Variants in RUNX1 observed in about 807,000 individuals in gnomAD.
RUNX1 encodes the protein runt-related transcription factor 1.
Under a neutral mutation model 42.8 loss-of-function variants are expected in RUNX1, and 19 were observed. That is an observed-to-expected ratio of 0.44 (90% CI 0.31 to 0.65). RUNX1 has a LOEUF of 0.65. Among genes scored for constraint, RUNX1 ranks in the 30% least tolerant of loss-of-function variants. The pLI, the probability that RUNX1 is intolerant of heterozygous loss-of-function variation, is 0.07. For synonymous variants in RUNX1, 271 were observed against 289.4 expected, an observed-to-expected ratio of 0.94 and a Z score of 0.64; for missense variants, 528 against 672.0, an observed-to-expected ratio of 0.79 and a Z score of 2.37.
At chr21:34,874,426 A>G (rs1245343990) in intron 5 of RUNX1, among the ~76,000 whole-genome samples, 2 of 151,556 alleles carry the variant, frequency 1.3e-5, no homozygotes, top group African/African-American at 4.9e-5. Flanking sequence ...CCCAGTCAAC[A>G]TGGTGAAACC....
chr21:34,987,258 T>G (rs1049662765), intron 2 of RUNX1, among the ~76,000 whole-genome samples: 1 of 152,202 alleles, frequency 6.6e-6, no homozygotes. Flanking sequence ...TTCGTCCGCC[T>G]TGTGGCCAGG....
intron 2 of RUNX1, among the ~76,000 whole-genome samples, chr21:34,923,810 A>T (rs1413483201): frequency 6.8e-6 from 1 of 146,536 alleles, no homozygotes; most frequent in African/African-American, 2.7e-5. Context: ...TGGTCTCTGG[A>T]GTTTACTTAG....
At chr21:34,932,339 C>T (rs2058453656) in intron 2 of RUNX1, among the ~76,000 whole-genome samples, 1 of 152,078 alleles carries the variant, frequency 6.6e-6, no homozygotes, top group South Asian at 2.1e-4. Context: ...ATATTTTATA[C>T]ATTCTAAGTT....
intron 2 of RUNX1, among the ~76,000 whole-genome samples, chr21:34,967,347 A>G (rs1038935292): frequency 1.2e-4 from 17 of 146,678 alleles, no homozygotes; most frequent in African/African-American, 4.0e-4. Flanking sequence ...AAAAAAAAAA[A>G]AAAAAGAAGA....
chr21:35,039,739 T>C (rs2059343909), intron 2 of RUNX1, among the ~76,000 whole-genome samples: 1 of 152,244 alleles, frequency 6.6e-6, no homozygotes, highest in East Asian at 1.9e-4. Context: ...GACAGTTGGA[T>C]AGAATTTTCA....
At chr21:34,868,060 G>A (rs1288022567) in intron 5 of RUNX1, among the ~76,000 whole-genome samples, 2 of 152,204 alleles carry the variant, frequency 1.3e-5, no homozygotes, top group African/African-American at 2.4e-5. Context: ...GGAAGGCTTG[G>A]GGGGCGTCAG....
intron 2 of RUNX1, among the ~76,000 whole-genome samples, chr21:35,035,722 G>A (rs1406490527): frequency 6.6e-6 from 1 of 152,218 alleles, no homozygotes; most frequent in Non-Finnish European, 1.5e-5. Flanking sequence ...ACACGGGACA[G>A]CACTAAGGGT....
chr21:34,937,089 G>A lies in RUNX1; in HGVS notation c.59-44126C>T, dbSNP rs552700725. ...CAGACAGAGGCCTGGCCTGAAGCACGCAAGATTATGCACACATGGGTCCAA... is the reference window on the plus strand; with the variant it reads ...CAGACAGAGGCCTGGCCTGAAGCACACAAGATTATGCACACATGGGTCCAA... On this transcript the variant is annotated intron_variant, in intron 2 of 8. Transcript: ENST00000675419. 1.1e-4 allele frequency among the ~76,000 whole-genome samples: 17 copies of A among 152,202 alleles called. No homozygotes were observed. The East Asian group carries it at 1.5e-3, about 14-fold the overall frequency.
intron 2 of RUNX1, among the ~76,000 whole-genome samples, chr21:34,928,961 T>TGC (rs1555906189): frequency 5.1e-5 from 7 of 138,414 alleles, no homozygotes; most frequent in Admixed American, 3.8e-4. Context: ...AGATTTTTTT[T>TGC]GGGGGGGGGG....
At chr21:34,850,759 C>A (rs1193547660) in intron 6 of RUNX1, among the ~76,000 whole-genome samples, 1 of 151,624 alleles carries the variant, frequency 6.6e-6, no homozygotes, top group East Asian at 1.9e-4. Context: ...AAACGAAATC[C>A]AGAAAAATAA....
chr21:34,891,522 C>CT (rs1424115061), intron 3 of RUNX1, among the ~76,000 whole-genome samples: 1 of 152,068 alleles, frequency 6.6e-6, no homozygotes, highest in Non-Finnish European at 1.5e-5. Flanking sequence ...GGAGCCTGCA[C>CT]TTTCAAGGAC....
chr21:34,971,446 G>T (rs1387504170), intron 2 of RUNX1, among the ~76,000 whole-genome samples: 1 of 151,942 alleles, frequency 6.6e-6, no homozygotes, highest in East Asian at 1.9e-4. Flanking sequence ...TCTTAAGAAG[G>T]TACTTTACTA....
intron 8 of RUNX1, among the ~76,000 whole-genome samples, chr21:34,795,353 T>C (rs1338378499): frequency 6.6e-6 from 1 of 152,188 alleles, no homozygotes; most frequent in Non-Finnish European, 1.5e-5. Flanking sequence ...GCTCGCTCTC[T>C]CGTCTCTTCC....
chr21:35,005,292 C>T (rs753194100), intron 2 of RUNX1, among the ~76,000 whole-genome samples: 1 of 152,098 alleles, frequency 6.6e-6, no homozygotes, highest in Non-Finnish European at 1.5e-5. Context: ...AATTTGTCTA[C>T]AGTCCTATAA....
At chr21:34,882,691 T>C (rs1358793686) in intron 4 of RUNX1, among the ~76,000 whole-genome samples, 1 of 76,090 alleles carries the variant, frequency 1.3e-5, no homozygotes, top group Non-Finnish European at 2.6e-5. Context: ...ATTGCTACTG[T>C]TTTTTTTTTT....
At chr21:34,799,501 G>C (rs781369637) in intron 7 of RUNX1, 39 bp from the exon 8 acceptor site, 1 of 1,586,954 alleles carries the variant, frequency 6.3e-7, no homozygotes, top group Non-Finnish European at 8.6e-7. Context: ...TGTAAAGTGG[G>C]GTGGGATTTA....
chr21:34,996,904 C>G (rs143889593), intron 2 of RUNX1, among the ~76,000 whole-genome samples: 1 of 152,184 alleles, frequency 6.6e-6, no homozygotes, highest in African/African-American at 2.4e-5. Context: ...AGCAATAAGA[C>G]ATAGATACTA....
At chr21:34,886,201 G>A (rs909484557) in intron 4 of RUNX1, among the ~76,000 whole-genome samples, 1 of 152,190 alleles carries the variant, frequency 6.6e-6, no homozygotes, top group Admixed American at 6.5e-5. Flanking sequence ...GAACGGTTCC[G>A]GGAAAAGAAA....
intron 7 of RUNX1, among the ~76,000 whole-genome samples, chr21:34,823,910 G>A (rs189912036): frequency 7.6e-4 from 116 of 152,268 alleles, no homozygotes; most frequent in Admixed American, 2.6e-3. Context: ...TTCCAAAAAG[G>A]TTAATTCCCA....
Sources: allele counts gnomAD v4.1 joint callset (sites outside exome capture counted in the v4.1 genomes callset), GRCh38; gene constraint gnomAD v4.1.1; transcripts MANE v1.5; gene names NCBI Gene and HGNC (gene_info 2026-07-23, HGNC 2026-07-21).